ODAD4: variants seen among roughly 807,000 people sequenced by gnomAD.
The protein encoded by ODAD4 is outer dynein arm-docking complex subunit 4.
Under a neutral mutation model 51.8 loss-of-function variants are expected in ODAD4, and 49 were observed. That is an observed-to-expected ratio of 0.95 (90% CI 0.75 to 1.20). The LOEUF is 1.20. Among genes scored for constraint, ODAD4 ranks in the 50% most tolerant of loss-of-function variants. The pLI is 0.00. For missense variants in ODAD4, 590 were observed against 586.5 expected (o/e 1.01, Z -0.06); for synonymous variants, 235 against 221.3 (o/e 1.06, Z -0.55).
chr17:41,945,586 G>T lies in ODAD4; in HGVS notation c.1145+364G>T, dbSNP rs1183700648. ...CTTGCCTCCTCAGAAGAAAGAATTT[G>T]AATGAGGAATGGGAATTTATTAAAA... is the stretch of plus-strand genomic sequence containing the variant. On this transcript the variant is annotated intron_variant, in intron 8 of 11. Transcript: ENST00000377540. Among the ~76,000 whole-genome samples the T allele has an allele frequency of 2.0e-5, 3 of 152,226 alleles. No homozygotes were observed. The East Asian group carries it at 5.8e-4, about 29-fold the overall frequency.
rs565693382 is a variant in ODAD4 at position 41,951,432 on chromosome 17, G to A, written c.1342+2083G>A. ...TCATTGAACTTTATCCTTACAAGCCGGTGAACTTTATTTATTTATTTTTTT... is the reference window on the plus strand; with the variant it reads ...TCATTGAACTTTATCCTTACAAGCCAGTGAACTTTATTTATTTATTTTTTT... On this transcript the variant is annotated intron_variant, in intron 9 of 11. Transcript: ENST00000377540. Among the ~76,000 whole-genome samples, 18 of 151,058 alleles carry A rather than the reference G, an allele frequency of 1.2e-4. No individual in the cohort carries two copies. In the South Asian group the frequency reaches 3.8e-3, roughly 32 times the overall value.
intron 5 of ODAD4, 104 bp downstream of exon 5, chr17:41,937,031 G>T: frequency 7.5e-7 from 1 of 1,333,046 alleles, no homozygotes. Context: ...ATTAGCTGAC[G>T]TGTACCTGTG....
chr17:41,963,167 C>T (rs963411183), intron 11 of ODAD4, among the ~76,000 whole-genome samples: 1 of 152,168 alleles, frequency 6.6e-6, no homozygotes, highest in African/African-American at 2.4e-5. Context: ...GGCAGCATTG[C>T]ATCTGTTTTC....
chr17:41,937,645 T>C (rs1359434121), intron 5 of ODAD4, among the ~76,000 whole-genome samples: 5 of 152,202 alleles, frequency 3.3e-5, no homozygotes, highest in Non-Finnish European at 7.3e-5. Context: ...TAATTTTTTG[T>C]ATTTTTAGCA....
intron 3 of ODAD4, among the ~76,000 whole-genome samples, chr17:41,935,974 C>T (rs1555637710): frequency 2.0e-5 from 3 of 152,220 alleles, no homozygotes; most frequent in East Asian, 1.9e-4. Flanking sequence ...GATCTCTGAG[C>T]GCTGCAGCCT....
chr17:41,935,436 A>T, intron 2 of ODAD4, 88 bp downstream of exon 2: 1 of 1,550,086 alleles, frequency 6.5e-7, no homozygotes. Flanking sequence ...AACCAGCCAG[A>T]CTGCCTAGTG....
At chr17:41,958,351 C>T (rs1212887798) in intron 10 of ODAD4, among the ~76,000 whole-genome samples, 1 of 152,092 alleles carries the variant, frequency 6.6e-6, no homozygotes, top group African/African-American at 2.4e-5. Context: ...AGCTGCTAGC[C>T]ACGTGAGGCT....
intron 8 of ODAD4, 24 bp from the exon 9 acceptor site, chr17:41,949,129 G>C: frequency 2.5e-6 from 1 of 398,488 alleles, no homozygotes. Flanking sequence ...GGATGAAGCT[G>C]ACTCTGGTTC....
intron 10 of ODAD4, among the ~76,000 whole-genome samples, chr17:41,960,678 C>T (rs1248901693): frequency 2.0e-5 from 3 of 152,192 alleles, no homozygotes; most frequent in African/African-American, 7.2e-5. Flanking sequence ...TGGGACCAGG[C>T]CCCCGACCCC....
chr17:41,935,640 C>CT lies in ODAD4; in HGVS notation c.291dup (p.Glu98Ter). ...CTGAGACACTGTACACCATGGGAGA[C>CT]TTTGAGTTTGCCTTGGTATTCTATC... On this transcript the variant is annotated frameshift_variant, in exon 3 of 12. Coordinates refer to ENST00000377540, the MANE Select transcript of ODAD4 (RefSeq NM_031421.5). LOFTEE classifies it high-confidence loss of function. 1 of 1,613,418 alleles carries CT rather than the reference C, an allele frequency of 6.2e-7. No homozygotes were observed.
chr17:41,945,124 T>C lies in ODAD4; in HGVS notation c.1059-12T>C, dbSNP rs782557498. ...TTTCTAGTGAATGGCTTGTTTTGCT[T>C]CTTCCCCACAGTGACCTTCCTGATG... On this transcript the variant is annotated splice_polypyrimidine_tract_variant and intron_variant, in intron 7 of 11. Transcript: ENST00000377540. 8 of 1,610,240 alleles carry C rather than the reference T, an allele frequency of 5.0e-6. No individual in the cohort carries two copies. In the East Asian group the frequency reaches 1.8e-4, roughly 36 times the overall value.
intron 9 of ODAD4, 175 bp from the exon 10 acceptor site, chr17:41,955,042 C>T (rs782667018): frequency 3.4e-5 from 24 of 704,988 alleles, no homozygotes; most frequent in South Asian, 1.6e-4. Flanking sequence ...CCCAGGAACA[C>T]GGTGGAAAGG....
intron 3 of ODAD4, 101 bp from the exon 4 acceptor site, chr17:41,936,372 C>T: frequency 1.2e-6 from 1 of 837,030 alleles, no homozygotes; most frequent in Admixed American, 2.1e-5. Flanking sequence ...CCACAGCCTC[C>T]ACCATCCCCC....
Position 41,966,502 on chromosome 17 carries a change from G to C in ODAD4, c.*1019G>C, listed in dbSNP as rs987253149. ...TTAAAGACAGGATCCGACTTTGCACGACCCTGCCTCACTCACTTCCTGCTA... is the reference window on the plus strand; with the variant it reads ...TTAAAGACAGGATCCGACTTTGCACCACCCTGCCTCACTCACTTCCTGCTA... On this transcript the variant is annotated 3_prime_UTR_variant, in exon 12 of 12. Transcript: ENST00000377540. Among the ~76,000 whole-genome samples, 2 of 152,184 alleles carry C rather than the reference G, an allele frequency of 1.3e-5. No individual in the cohort carries two copies. Among genetic ancestry groups the C allele is most frequent in the African/African-American group, 2.4e-5 (1 of 41,452 alleles).
intron 8 of ODAD4, among the ~76,000 whole-genome samples, chr17:41,947,218 A>G (rs1161897421): frequency 6.6e-6 from 1 of 151,062 alleles, no homozygotes; most frequent in Admixed American, 6.6e-5. Flanking sequence ...TCACGCCTGT[A>G]ATCCCAGCAC....
chr17:41,941,643 TG>T, intron 7 of ODAD4, among the ~76,000 whole-genome samples: 1 of 151,230 alleles, frequency 6.6e-6, no homozygotes. Flanking sequence ...TAGCCGGGTG[TG>T]GTGGTGTGCG....
chr17:41,954,046 C>T (rs1009812224), intron 9 of ODAD4, among the ~76,000 whole-genome samples: 1 of 150,994 alleles, frequency 6.6e-6, no homozygotes, highest in African/African-American at 2.4e-5. Context: ...AGTGCAGTGG[C>T]GCGATCTCGG....
intron 9 of ODAD4, among the ~76,000 whole-genome samples, chr17:41,951,883 CAAAAAAAAAAAAA>C (rs55769009): frequency 3.9e-4 from 14 of 35,550 alleles, no homozygotes; most frequent in Admixed American, 4.4e-4. Flanking sequence ...GACTCTGTCG[CAAAAAAAAAAAAA>C]AAAAAAAAAA....
chr17:41,935,255 T>G lies in ODAD4; in HGVS notation c.153T>G (p.Val51=). ...YLQDGDKNCL[V]ARSKCFLKMG... ...AGGATGGAGACAAGAACTGCCTGGT[T>G]GCTCGCTCAAAGTGCTTCCTGAAGA... Residue 51 remains valine (V), a synonymous_variant, in exon 2 of 12, where the codon GTT becomes GTG. Transcript: ENST00000377540. 1 of 1,613,996 alleles carries G rather than the reference T, an allele frequency of 6.2e-7. No individual in the cohort carries two copies. The highest frequency in any genetic ancestry group is 8.5e-7 in the Non-Finnish European group (1 of 1,179,894).
Sources: allele counts gnomAD v4.1 joint callset (sites outside exome capture counted in the v4.1 genomes callset), GRCh38; gene constraint gnomAD v4.1.1; transcripts MANE v1.5; gene names NCBI Gene and HGNC (gene_info 2026-07-23, HGNC 2026-07-21).